The following PTPRD variants were observed in gnomAD, a reference collection of about 807,000 sequenced individuals.
PTPRD encodes receptor-type tyrosine-protein phosphatase delta.
A neutral mutation model predicts 214.5 loss-of-function variants in PTPRD; 34 were observed. The observed-to-expected ratio is 0.16, with a 90% confidence interval of 0.12 to 0.21. The LOEUF (loss-of-function observed/expected upper bound fraction) is 0.21, where lower values mean the gene tolerates loss of function less well. Ranked by LOEUF, PTPRD falls within the 10% of genes least tolerant of loss-of-function variation. The probability of loss-of-function intolerance (pLI) is 1.00; values close to 1 mark genes in which losing one functional copy is unlikely to be tolerated. For missense variants in PTPRD, 2,545 were observed against 2,398.7 expected, an observed-to-expected ratio of 1.06 and a Z score of -1.27; for synonymous variants, 1,128 against 845.7, an observed-to-expected ratio of 1.33 and a Z score of -5.79.
chr9:8,767,382 GC>G (rs1194907943), intron 11 of PTPRD, among the ~76,000 whole-genome samples: 3 of 152,120 alleles, frequency 2.0e-5, no homozygotes, highest in African/African-American at 7.2e-5. Context: ...CTCTCAAAGT[GC>G]TGGGATTACA....
At chr9:9,045,454 G>A (rs1361729019) in intron 10 of PTPRD, among the ~76,000 whole-genome samples, 1 of 152,078 alleles carries the variant, frequency 6.6e-6, no homozygotes, top group Non-Finnish European at 1.5e-5. Context: ...ATTTTGACAG[G>A]CAAACAATAA....
intron 8 of PTPRD, among the ~76,000 whole-genome samples, chr9:9,476,118 C>T (rs1021306750): frequency 1.3e-5 from 2 of 152,118 alleles, no homozygotes; most frequent in South Asian, 4.2e-4. Flanking sequence ...GGTGAGAAAA[C>T]AGGCGTAGTG....
chr9:10,484,346 T>C (rs771062276), intron 2 of PTPRD, among the ~76,000 whole-genome samples: 17 of 152,194 alleles, frequency 1.1e-4, no homozygotes, highest in Non-Finnish European at 2.5e-4. Flanking sequence ...TTACAACATA[T>C]ACTATGTGGG....
At chr9:9,082,531 G>C (rs1443741546) in intron 10 of PTPRD, among the ~76,000 whole-genome samples, 3 of 152,004 alleles carry the variant, frequency 2.0e-5, no homozygotes, top group African/African-American at 7.2e-5. Flanking sequence ...TATTCAACCT[G>C]GTATTGGAAG....
At chr9:9,818,915 CAAAAAAAAAA>C (rs58616042) in intron 5 of PTPRD, among the ~76,000 whole-genome samples, 2 of 89,342 alleles carry the variant, frequency 2.2e-5, no homozygotes, top group Non-Finnish European at 4.5e-5. Flanking sequence ...GACACTGTCT[CAAAAAAAAAA>C]AAAAAAAAAA....
At chr9:9,411,349 A>G (rs10115606) in intron 8 of PTPRD, among the ~76,000 whole-genome samples, 3,909 of 151,430 alleles carry the variant, frequency 0.026, 104 homozygotes, top group African/African-American at 0.064. Flanking sequence ...TACCACCCAA[A>G]TATAAAATAA....
intron 5 of PTPRD, among the ~76,000 whole-genome samples, chr9:9,860,136 T>C (rs2062404664): frequency 6.6e-6 from 1 of 152,164 alleles, no homozygotes; most frequent in African/African-American, 2.4e-5. Context: ...AGCCAAATAA[T>C]TGGTAAGGTA....
At chr9:8,499,036 T>A (rs192162654) in intron 25 of PTPRD, among the ~76,000 whole-genome samples, 2 of 151,572 alleles carry the variant, frequency 1.3e-5, no homozygotes, top group Non-Finnish European at 3.0e-5. Flanking sequence ...ACCTTTTTTT[T>A]AAACCTTGGT....
At chr9:9,519,903 AT>A (rs562773226) in intron 8 of PTPRD, among the ~76,000 whole-genome samples, 2 of 152,096 alleles carry the variant, frequency 1.3e-5, no homozygotes, top group South Asian at 4.1e-4. Context: ...TGCTCCACTG[AT>A]GATCACATCT....
chr9:9,876,420 T>C (rs960617113), intron 5 of PTPRD, among the ~76,000 whole-genome samples: 1 of 152,150 alleles, frequency 6.6e-6, no homozygotes, highest in Admixed American at 6.6e-5. Flanking sequence ...ATTTCACTTA[T>C]ATTTAAACGG....
chr9:8,744,469 A>G (rs936107284), intron 11 of PTPRD, among the ~76,000 whole-genome samples: 2 of 152,258 alleles, frequency 1.3e-5, no homozygotes, highest in African/African-American at 2.4e-5. Context: ...ACTAAGCCAT[A>G]AAAAGGAATG....
chr9:9,222,120 C>A (rs1354621886), intron 9 of PTPRD, among the ~76,000 whole-genome samples: 1 of 152,170 alleles, frequency 6.6e-6, no homozygotes, highest in Admixed American at 6.5e-5. Context: ...TTAGGAAAAA[C>A]TTACAAAGTT....
intron 8 of PTPRD, among the ~76,000 whole-genome samples, chr9:9,416,044 C>T (rs1209729613): frequency 1.3e-5 from 2 of 152,146 alleles, no homozygotes; most frequent in Non-Finnish European, 2.9e-5. Flanking sequence ...TTCTCGTCTC[C>T]TGCTTTTCTC....
chr9:9,853,132 A>G (rs1238928641), intron 5 of PTPRD, among the ~76,000 whole-genome samples: 1 of 152,202 alleles, frequency 6.6e-6, no homozygotes, highest in South Asian at 2.1e-4. Flanking sequence ...CGGCAGAAGG[A>G]GTGCTAAATA....
At chr9:10,366,057 A>G (rs537495454) in intron 2 of PTPRD, among the ~76,000 whole-genome samples, 158 of 152,284 alleles carry the variant, frequency 1.0e-3, no homozygotes, top group African/African-American at 3.7e-3. Context: ...CATAGATTTC[A>G]TTATCAGGAA....
chr9:9,963,046 A>T (rs1205807917), intron 4 of PTPRD, among the ~76,000 whole-genome samples: 2 of 152,078 alleles, frequency 1.3e-5, no homozygotes, highest in African/African-American at 4.8e-5. Flanking sequence ...GTTATCTGAC[A>T]AGCCTAGGGA....
At chr9:9,208,839 G>A (rs10816062) in intron 9 of PTPRD, among the ~76,000 whole-genome samples, 3 of 150,832 alleles carry the variant, frequency 2.0e-5, no homozygotes, top group East Asian at 2.0e-4. Context: ...ATGGAGTCTC[G>A]CTCTGTCGCC....
At chr9:9,467,585 TCC>T (rs775863669) in intron 8 of PTPRD, among the ~76,000 whole-genome samples, 1 of 9,992 alleles carries the variant, frequency 1.0e-4, no homozygotes, top group Non-Finnish European at 1.9e-4. Flanking sequence ...GGACTCCATC[TCC>T]CAAAAAAAAA....
At chr9:10,534,248 T>C (rs1291172083) in intron 2 of PTPRD, among the ~76,000 whole-genome samples, 1 of 151,982 alleles carries the variant, frequency 6.6e-6, no homozygotes, top group Non-Finnish European at 1.5e-5. Flanking sequence ...AAAATTACTC[T>C]ATGGGACCAT....
Sources: gnomAD v4.1 joint callset for allele counts (sites outside exome capture counted in the v4.1 genomes callset) on GRCh38, gnomAD v4.1.1 for gene constraint, MANE v1.5 for transcripts, NCBI Gene and HGNC (gene_info 2026-07-23, HGNC 2026-07-21) for gene names.